The following GUCY1A2 variants were observed in gnomAD, a reference collection of about 807,000 sequenced individuals.
GUCY1A2 encodes the protein guanylate cyclase 1 soluble subunit alpha 2.
Under a neutral mutation model 63.5 loss-of-function variants are expected in GUCY1A2, and 27 were observed. That is an observed-to-expected ratio of 0.43 (90% CI 0.31 to 0.59). The LOEUF (loss-of-function observed/expected upper bound fraction) is 0.59. Ranked by LOEUF, GUCY1A2 falls within the 20% of genes least tolerant of loss-of-function variation. GUCY1A2 has a pLI of 0.11. For synonymous variants in GUCY1A2, 364 were observed against 343.5 expected (o/e 1.06, Z -0.66); for missense variants, 768 against 913.3 (o/e 0.84, Z 2.05).
In GUCY1A2 at chr11:107,013,040, T is replaced by C. The variant is rs573483502; in HGVS notation, c.303+4713A>G. 1.6e-4 allele frequency among the ~76,000 whole-genome samples: 25 copies of C among 152,302 alleles called. No homozygotes were observed. The South Asian group carries it at 5.0e-3, about 30-fold the overall frequency. ...TTTTCATTCTTTCCTTGACATGTAT[T>C]AAGATAATTTCCTTCCCCAAAATAA... On this transcript the variant is annotated intron_variant, in intron 1 of 7. Transcript: ENST00000526355.
At chr11:106,786,210 C>G (rs1159783115) in intron 5 of GUCY1A2, among the ~76,000 whole-genome samples, 1 of 152,120 alleles carries the variant, frequency 6.6e-6, no homozygotes, top group Non-Finnish European at 1.5e-5. Context: ...GATTTACTGA[C>G]AAGGCTACAA....
Position 106,720,859 on chromosome 11 carries a change from G to C in GUCY1A2, c.1837-12193C>G, listed in dbSNP as rs150536475. Among the ~76,000 whole-genome samples the C allele has an allele frequency of 1.4e-4, 22 of 152,194 alleles. No homozygotes were observed. In the East Asian group the frequency reaches 3.7e-3, roughly 25 times the overall value. On this transcript the variant is annotated intron_variant, in intron 6 of 7. Transcript: ENST00000526355. Reference sequence around the variant, plus strand: ...AAATATGAATAAATTGTAGACTTTAGCTAATAATAATGTATTGATACTGGT... The same window carrying C: ...AAATATGAATAAATTGTAGACTTTACCTAATAATAATGTATTGATACTGGT...
At chr11:106,826,550 C>T (rs1186159595) in intron 4 of GUCY1A2, 77 of 1,602,340 alleles carry the variant, frequency 4.8e-5, no homozygotes, top group Non-Finnish European at 6.1e-5. Flanking sequence ...TGCATGACGA[C>T]TTTGATGTAT....
chr11:106,908,651 T>C (rs1046261451), intron 4 of GUCY1A2, among the ~76,000 whole-genome samples: 1 of 151,964 alleles, frequency 6.6e-6, no homozygotes, highest in Non-Finnish European at 1.5e-5. Flanking sequence ...TTAGAGCAAC[T>C]CTTAAATAAA....
Position 106,775,851 on chromosome 11 carries a change from A to G in GUCY1A2, c.1836+588T>C, listed in dbSNP as rs191663506. Among the ~76,000 whole-genome samples, 12 of 152,264 alleles carry G rather than the reference A, an allele frequency of 7.9e-5. No individual in the cohort carries two copies. The East Asian group carries it at 2.3e-3, about 29-fold the overall frequency. On this transcript the variant is annotated intron_variant, in intron 6 of 7. Transcript: ENST00000526355. ...GGCTCAAGCAGAAATATGGTAGATG[A>G]CCTCATTCATTCTTCATTCCCAGAG...
chr11:106,810,296 A>G lies in GUCY1A2; in HGVS notation c.1389T>C (p.Asp463=), dbSNP rs755702361. The G allele has an allele frequency of 3.7e-5, 59 of 1,613,694 alleles. No homozygotes were observed. Among genetic ancestry groups the G allele is most frequent in the Non-Finnish European group, 4.7e-5 (55 of 1,179,878 alleles). The change falls in exon 5 of 8, where the codon GAT becomes GAC. Residue 463 remains aspartate (D), a synonymous_variant. Coordinates refer to ENST00000526355, the MANE Select transcript of GUCY1A2 (RefSeq NM_000855.3). Reference sequence around the variant, plus strand: ...ATTTATCCATCCTTTTCTTCAACCCATCTTGGGCCTTTGCCTGCTCACCAA... The same window carrying G: ...ATTTATCCATCCTTTTCTTCAACCCGTCTTGGGCCTTTGCCTGCTCACCAA... The part of the protein sequence containing the change: ...ILVGEQAKAQ[D]GLKKRMDKLK...
At chr11:106,807,330 A>G (rs544295430) in intron 5 of GUCY1A2, among the ~76,000 whole-genome samples, 5 of 152,314 alleles carry the variant, frequency 3.3e-5, no homozygotes, top group African/African-American at 1.2e-4. Context: ...ATACACTAGA[A>G]TGTTTATGAA....
At chr11:106,710,042 T>C (rs190712292) in intron 6 of GUCY1A2, among the ~76,000 whole-genome samples, 2,497 of 59,716 alleles carry the variant, frequency 0.042, 71 homozygotes, top group Middle Eastern at 0.15. Flanking sequence ...ATAAAGTATA[T>C]AGTTATATAT....
At chr11:106,751,065 G>A (rs1294587930) in intron 6 of GUCY1A2, among the ~76,000 whole-genome samples, 2 of 152,016 alleles carry the variant, frequency 1.3e-5, no homozygotes, top group Non-Finnish European at 2.9e-5. Flanking sequence ...TCCTCTTTAA[G>A]AATACCATTT....
intron 7 of GUCY1A2, among the ~76,000 whole-genome samples, 193 bp from the exon 8 acceptor site, chr11:106,687,949 GATA>G (rs1862557980): frequency 1.3e-5 from 2 of 152,018 alleles, no homozygotes; most frequent in Admixed American, 6.6e-5. Context: ...CCCTTCATGT[GATA>G]ATAATAAAAA....
chr11:106,702,033 TTTGAA>T (rs1172509040), intron 7 of GUCY1A2, among the ~76,000 whole-genome samples: 2 of 152,092 alleles, frequency 1.3e-5, no homozygotes, highest in Admixed American at 1.3e-4. Flanking sequence ...CAGCTACGGG[TTTGAA>T]TTATGACTCC....
intron 6 of GUCY1A2, among the ~76,000 whole-genome samples, chr11:106,759,806 G>A (rs779264625): frequency 3.9e-5 from 6 of 152,168 alleles, no homozygotes; most frequent in Non-Finnish European, 8.8e-5. Context: ...GTTGGGGCAG[G>A]CGTCTGTAAT....
intron 1 of GUCY1A2, among the ~76,000 whole-genome samples, chr11:107,014,632 T>C (rs1165698275): frequency 6.6e-6 from 1 of 152,206 alleles, no homozygotes; most frequent in Non-Finnish European, 1.5e-5. Context: ...CTATTAAGCA[T>C]CAAAAACCTG....
At position 106,959,343 on chromosome 11, in the gene GUCY1A2, C is replaced by G. The variant is rs1471044; in HGVS notation, c.488-19165G>C. Among the ~76,000 whole-genome samples the G allele has an allele frequency of 3.2e-3, 484 of 152,300 alleles. 5 individuals are homozygous for G. Among genetic ancestry groups the G allele is most frequent in the African/African-American group, 0.011 (476 of 41,564 alleles). ...TGGTGAAAGGATTATGCTCTCATGG[C>G]TTCTCTTTTCTTTTGTAACAGAGCC... On this transcript the variant is annotated intron_variant, in intron 3 of 7. Transcript: ENST00000526355.
At chr11:106,827,481 C>G (rs1270375920) in intron 4 of GUCY1A2, 2 of 1,468,616 alleles carry the variant, frequency 1.4e-6, no homozygotes, top group Non-Finnish European at 1.9e-6. Flanking sequence ...TCTGAAATTC[C>G]TGAGCACTGT....
chr11:106,815,450 A>G (rs896282369), intron 4 of GUCY1A2, among the ~76,000 whole-genome samples: 1 of 151,936 alleles, frequency 6.6e-6, no homozygotes, highest in Non-Finnish European at 1.5e-5. Context: ...GGATAAACTC[A>G]AAGGAATTCA....
intron 7 of GUCY1A2, among the ~76,000 whole-genome samples, chr11:106,707,378 A>G (rs893262990): frequency 6.6e-6 from 1 of 151,878 alleles, no homozygotes; most frequent in Non-Finnish European, 1.5e-5. Context: ...TTTATATTCA[A>G]ATTTTCTGCT....
At chr11:107,003,124 CTG>C (rs1861630584) in intron 1 of GUCY1A2, among the ~76,000 whole-genome samples, 1 of 152,130 alleles carries the variant, frequency 6.6e-6, no homozygotes, top group East Asian at 1.9e-4. Context: ...ACAGGTGCTG[CTG>C]TCTCTATTTT....
intron 6 of GUCY1A2, among the ~76,000 whole-genome samples, chr11:106,713,249 TA>T (rs1320625282): frequency 6.6e-6 from 1 of 152,188 alleles, no homozygotes; most frequent in African/African-American, 2.4e-5. Context: ...GTCCTGATTT[TA>T]AAAAGTTTTT....
Sources: gnomAD v4.1 joint callset for allele counts (sites outside exome capture counted in the v4.1 genomes callset) on GRCh38, gnomAD v4.1.1 for gene constraint, MANE v1.5 for transcripts, NCBI Gene and HGNC (gene_info 2026-07-23, HGNC 2026-07-21) for gene names.